ABHD2: variants seen among roughly 807,000 people sequenced by gnomAD.
ABHD2 encodes monoacylglycerol lipase ABHD2.
In ABHD2, 20 loss-of-function variants were observed where a neutral mutation model predicts 48.1. The ratio of observed to expected loss-of-function variants is 0.42; its 90% CI spans 0.29 to 0.60. ABHD2 has a LOEUF of 0.60. ABHD2 is among the 20% of genes least tolerant of loss of function. ABHD2 has a pLI of 0.24. For missense variants in ABHD2, 405 were observed against 550.9 expected (o/e 0.74, Z 2.65); for synonymous variants, 209 against 214.2 (o/e 0.98, Z 0.21).
At chr15:89,078,007 G>A in the ABHD2 span, among the ~76,000 whole-genome samples, 362 of 152,172 alleles carry the variant, frequency 2.4e-3, 1 homozygote, top group African/African-American at 8.3e-3. Context: ...TTGAATATAT[G>A]TGTCACCAAA....
rs2050326957 is a variant in ABHD2, at chr15:89,137,093, G to GT, written c.195-14581dup. Among the ~76,000 whole-genome samples the GT allele has an allele frequency of 6.6e-6, 1 of 152,202 alleles. No homozygotes were observed. Among genetic ancestry groups the GT allele is most frequent in the Admixed American group, 6.5e-5 (1 of 15,278 alleles). ...TTAGGTCACTAATCTTTGACTGGCT[G>GT]TTTGCAGGACCAGTTCTCTAACGGA... On this transcript the variant is annotated intron_variant, in intron 3 of 10. Transcript: ENST00000352732. The surrounding 1 kb of genome is among the most constrained non-coding windows in gnomAD (Gnocchi z 4.8).
At chr15:89,119,175 G>A (rs142068399) in intron 3 of ABHD2, among the ~76,000 whole-genome samples, 2 of 152,164 alleles carry the variant, frequency 1.3e-5, no homozygotes, top group East Asian at 3.9e-4. Flanking sequence ...TATGTGAAGG[G>A]ACAAATTCTC....
chr15:89,169,652 G>T (rs1301449848), intron 5 of ABHD2, among the ~76,000 whole-genome samples: 1 of 152,144 alleles, frequency 6.6e-6, no homozygotes, highest in African/African-American at 2.4e-5. Flanking sequence ...TATTTCTTAG[G>T]CAGGCAAATA....
chr15:89,049,106 C>T, the ABHD2 span, among the ~76,000 whole-genome samples: 1 of 152,098 alleles, frequency 6.6e-6, no homozygotes, highest in Non-Finnish European at 1.5e-5. Context: ...TTCTAACAGA[C>T]AGGACGCTCA....
At chr15:89,149,317 G>A (rs1000157687) in intron 3 of ABHD2, among the ~76,000 whole-genome samples, 7 of 151,970 alleles carry the variant, frequency 4.6e-5, no homozygotes, top group Admixed American at 2.0e-4. Context: ...GTCGCCTAAC[G>A]CCAATCATGT....
At chr15:89,162,734 C>G (rs1048023930) in intron 5 of ABHD2, among the ~76,000 whole-genome samples, 2 of 152,138 alleles carry the variant, frequency 1.3e-5, no homozygotes, top group African/African-American at 4.8e-5. Context: ...TCCTTACTTT[C>G]TTCAAGCCAC....
Position 89,188,033 on chromosome 15 carries a change from G to A in ABHD2, c.816-160G>A, listed in dbSNP as rs1037250708. On this transcript the variant is annotated intron_variant, in intron 7 of 10. Transcript: ENST00000352732. The surrounding 1 kb of genome is among the most constrained non-coding windows in gnomAD (Gnocchi z 4.1). The stretch of plus-strand genomic sequence containing the variant: ...GGGAAATAAGGTTTTGACATTAACA[G>A]CGCCAGCTCATCCTCTGGGACATTC... 2.0e-5 allele frequency among the ~76,000 whole-genome samples: 3 copies of A among 152,248 alleles called. No individual in the cohort carries two copies. Among genetic ancestry groups the A allele is most frequent in the Admixed American group, 6.5e-5 (1 of 15,288 alleles).
Position 89,176,128 on chromosome 15 carries a change from A to G in ABHD2, c.722+133A>G. 1.0e-6 allele frequency: 1 copy of G among 980,626 alleles called. No individual in the cohort carries two copies. Among genetic ancestry groups the G allele is most frequent in the Non-Finnish European group, 1.5e-6 (1 of 683,798 alleles). 60.7% of individuals were successfully genotyped at this position (980,626 alleles called of 1,614,324 possible). A position where few individuals can be genotyped will look rare whatever the true frequency, so the allele number is the denominator to read the frequency against. On this transcript the variant is annotated intron_variant, in intron 6 of 10. Transcript: ENST00000352732. This position sits in a 1 kb window ranked among gnomAD's most constrained non-coding sequence, Gnocchi z 4.5. ...CTGAGTAGAAGTTTCTGAGTCTTGG[A>G]CTCACCTTGTTTTGTCTGCATATCA...
At position 89,118,626 on chromosome 15, in the gene ABHD2, C is replaced by T. The variant is rs73467755; in HGVS notation, c.194+2105C>T. Among the ~76,000 whole-genome samples the T allele has an allele frequency of 1.1e-3, 161 of 152,208 alleles. 1 individual carries two copies. The highest frequency in any genetic ancestry group is 3.6e-3 in the African/African-American group (150 of 41,498). On this transcript the variant is annotated intron_variant, in intron 3 of 10. Coordinates refer to ENST00000352732, the MANE Select transcript of ABHD2 (RefSeq NM_152924.5). The stretch of plus-strand genomic sequence containing the variant: ...CTTGAAAACCAAAGTATTTAAAACC[C>T]TGCAAGTTTCTGTGCAGATGAGTGC...
intron 1 of ABHD2, among the ~76,000 whole-genome samples, chr15:89,099,065 T>C (rs2049659103): frequency 6.6e-6 from 1 of 152,172 alleles, no homozygotes; most frequent in South Asian, 2.1e-4. Context: ...TGGTCCTCAG[T>C]TTCCTTGCCT....
chr15:89,161,407 T>G (rs534580831), intron 5 of ABHD2, among the ~76,000 whole-genome samples: 1 of 152,286 alleles, frequency 6.6e-6, no homozygotes, highest in South Asian at 2.1e-4. Flanking sequence ...TTAATTAATT[T>G]ATTTATTTTC....
chr15:89,083,903 C>T (rs1012323252), upstream of ABHD2, among the ~76,000 whole-genome samples: 1 of 152,200 alleles, frequency 6.6e-6, no homozygotes, highest in Non-Finnish European at 1.5e-5. This position sits in a 1 kb window ranked among gnomAD's most constrained non-coding sequence, Gnocchi z 5.1. Flanking sequence ...GCCAGACAGT[C>T]GACCTGGTAA....
intron 3 of ABHD2, among the ~76,000 whole-genome samples, chr15:89,150,623 A>T (rs1470089611): frequency 6.6e-6 from 1 of 151,908 alleles, no homozygotes; most frequent in African/African-American, 2.4e-5. Context: ...TTGATTAATT[A>T]CACACACATA....
chr15:89,108,740 A>G (rs1215204250), intron 1 of ABHD2, among the ~76,000 whole-genome samples: 2 of 152,254 alleles, frequency 1.3e-5, no homozygotes, highest in Non-Finnish European at 2.9e-5. Context: ...AAGAAAATAT[A>G]TAACTGTTTA....
intron 1 of ABHD2, among the ~76,000 whole-genome samples, chr15:89,103,140 A>T (rs1300238331): frequency 6.6e-6 from 1 of 152,196 alleles, no homozygotes; most frequent in Non-Finnish European, 1.5e-5. Flanking sequence ...GGTATCCTCA[A>T]TGCAAAGATG....
the ABHD2 span, among the ~76,000 whole-genome samples, chr15:89,060,585 G>T: frequency 6.8e-6 from 1 of 146,982 alleles, no homozygotes. Context: ...TTCTCAATGG[G>T]CCACCGTGAT....
At chr15:89,178,100 A>C (rs2051046317) in intron 6 of ABHD2, among the ~76,000 whole-genome samples, 2 of 152,196 alleles carry the variant, frequency 1.3e-5, no homozygotes, top group South Asian at 4.1e-4. Flanking sequence ...ATAACTAACT[A>C]TTGGCACACC....
chr15:89,164,657 C>T lies in ABHD2; in HGVS notation c.538+9123C>T, dbSNP rs915505387. Among the ~76,000 whole-genome samples the T allele has an allele frequency of 1.3e-5, 2 of 151,974 alleles. No homozygotes were observed. The highest frequency in any genetic ancestry group is 4.8e-5 in the African/African-American group (2 of 41,364). The stretch of plus-strand genomic sequence containing the variant: ...GAAAAAAGCCAGGTGTGATGATACA[C>T]ACCTGTAATCTCAGCTACCTGGGAG... On this transcript the variant is annotated intron_variant, in intron 5 of 10. Coordinates refer to ENST00000352732, the MANE Select transcript of ABHD2 (RefSeq NM_152924.5). This position sits in a 1 kb window ranked among gnomAD's most constrained non-coding sequence, Gnocchi z 5.0.
rs1445337339 is a variant in ABHD2, at chr15:89,201,284, C to A, written c.*5861C>A. The A allele has an allele frequency of 8.6e-7, 1 of 1,161,874 alleles. No individual in the cohort carries two copies. Among genetic ancestry groups the A allele is most frequent in the Admixed American group, 2.0e-5 (1 of 49,070 alleles). The allele number at this position is 1,161,874 out of a possible 1,614,324, so 72.0% of individuals were successfully genotyped here. On this transcript the variant is annotated 3_prime_UTR_variant, in exon 11 of 11. Coordinates refer to ENST00000352732, the MANE Select transcript of ABHD2 (RefSeq NM_152924.5). The stretch of plus-strand genomic sequence containing the variant: ...CATCATTTCTCCCTGAAGTCTTTTA[C>A]ACTCTTCTGTTAGTTTCCTTGTTTC...
Sources: allele counts gnomAD v4.1 joint callset (sites outside exome capture counted in the v4.1 genomes callset), GRCh38; gene constraint gnomAD v4.1.1; non-coding constraint Gnocchi (gnomAD v3.1); transcripts MANE v1.5; gene names NCBI Gene and HGNC (gene_info 2026-07-23, HGNC 2026-07-21).